Variants in KPNA1 observed in about 807,000 individuals in gnomAD.
The protein encoded by KPNA1 is karyopherin subunit alpha 1.
In KPNA1, 10 loss-of-function variants were observed where a neutral mutation model predicts 70.5. That is an observed-to-expected ratio of 0.14 (90% CI 0.09 to 0.24). The LOEUF (loss-of-function observed/expected upper bound fraction) is 0.24. KPNA1 is among the 10% of genes least tolerant of loss of function. The pLI, the probability that KPNA1 is intolerant of heterozygous loss-of-function variation, is 1.00. For missense variants in KPNA1, 397 were observed against 637.9 expected, an observed-to-expected ratio of 0.62 and a Z score of 4.07; for synonymous variants, 192 against 221.9, an observed-to-expected ratio of 0.87 and a Z score of 1.20.
intron 1 of KPNA1, among the ~76,000 whole-genome samples, chr3:122,499,772 A>G (rs556149634): frequency 2.6e-5 from 4 of 152,154 alleles, no homozygotes; most frequent in African/African-American, 9.6e-5. Flanking sequence ...GAAAAAAAAA[A>G]AAAAAGAGAC....
At chr3:122,431,735 A>G (rs2075911857) in intron 12 of KPNA1, among the ~76,000 whole-genome samples, 1 of 151,808 alleles carries the variant, frequency 6.6e-6, no homozygotes. Context: ...AGAGCAAAAT[A>G]CTCCTGAATA....
chr3:122,430,681 ACCCG>A (rs2075892159), intron 12 of KPNA1, among the ~76,000 whole-genome samples: 1 of 152,184 alleles, frequency 6.6e-6, no homozygotes. Flanking sequence ...CCAGAAACAC[ACCCG>A]CACAAAAACA....
chr3:122,425,822 G>T lies in KPNA1; in HGVS notation c.*1163C>A, dbSNP rs1241618243. ...TTCTTATTTGGGTTAAGCAGGTCATGTTGAGAAGATGGTTATTTCTTTCAG... is the reference window on the plus strand; with the variant it reads ...TTCTTATTTGGGTTAAGCAGGTCATTTTGAGAAGATGGTTATTTCTTTCAG... On this transcript the variant is annotated 3_prime_UTR_variant, in exon 14 of 14. Coordinates refer to ENST00000344337, the MANE Select transcript of KPNA1 (RefSeq NM_002264.4). 2 of 152,628 alleles carry T rather than the reference G, an allele frequency of 1.3e-5. No individual in the cohort carries two copies. Among genetic ancestry groups the T allele is most frequent in the Admixed American group, 6.5e-5 (1 of 15,276 alleles). 9.5% of individuals were successfully genotyped at this position (152,628 alleles called of 1,614,324 possible).
chr3:122,490,723 A>T (rs957461607), intron 2 of KPNA1, among the ~76,000 whole-genome samples: 4 of 152,220 alleles, frequency 2.6e-5, no homozygotes, highest in African/African-American at 9.6e-5. Context: ...TGCTCACTGC[A>T]AAAAGGTAAT....
chr3:122,505,422 GGAAA>G (rs1257523351), intron 1 of KPNA1, among the ~76,000 whole-genome samples: 2 of 152,042 alleles, frequency 1.3e-5, no homozygotes, highest in African/African-American at 4.8e-5. Flanking sequence ...AGCTTTGATA[GGAAA>G]GAAAGGAAAT....
At chr3:122,450,537 G>A (rs112768052) in intron 8 of KPNA1, among the ~76,000 whole-genome samples, 18,120 of 152,164 alleles carry the variant, frequency 0.12, 1,297 homozygotes, top group East Asian at 0.32. Context: ...TGCCGAGACC[G>A]CGCCACTGCA....
chr3:122,445,163 G>A (rs1351798803), intron 9 of KPNA1, among the ~76,000 whole-genome samples: 1 of 152,150 alleles, frequency 6.6e-6, no homozygotes, highest in Non-Finnish European at 1.5e-5. Flanking sequence ...TTGAACAAAG[G>A]TTAGACCAAC....
At chr3:122,448,397 G>A (rs1011933818) in intron 9 of KPNA1, among the ~76,000 whole-genome samples, 4 of 152,174 alleles carry the variant, frequency 2.6e-5, no homozygotes, top group African/African-American at 4.8e-5. Context: ...TATACACCAC[G>A]GAATACTATG....
At chr3:122,478,888 T>A (rs2076536940) in intron 2 of KPNA1, among the ~76,000 whole-genome samples, 1 of 57,422 alleles carries the variant, frequency 1.7e-5, no homozygotes, top group South Asian at 6.8e-4. Context: ...GAGCAAAACC[T>A]CGTCTCAAAA....
intron 2 of KPNA1, among the ~76,000 whole-genome samples, chr3:122,491,798 C>CG: frequency 1.0e-5 from 1 of 98,670 alleles, no homozygotes; most frequent in Non-Finnish European, 2.3e-5. Context: ...ATCATTTAAT[C>CG]GTTAGTTATA....
intron 2 of KPNA1, among the ~76,000 whole-genome samples, chr3:122,474,673 G>A (rs2076478118): frequency 6.6e-6 from 1 of 152,138 alleles, no homozygotes; most frequent in African/African-American, 2.4e-5. Flanking sequence ...ATATGAACAT[G>A]TAGGATTTAC....
chr3:122,512,022 A>G (rs7638174), intron 1 of KPNA1, among the ~76,000 whole-genome samples: 34,032 of 152,118 alleles, frequency 0.22, 4,230 homozygotes, highest in Non-Finnish European at 0.27. Context: ...TGAGAGCAAC[A>G]GAGAATAAAG....
intron 2 of KPNA1, among the ~76,000 whole-genome samples, chr3:122,467,837 T>C (rs977199203): frequency 6.6e-6 from 1 of 152,148 alleles, no homozygotes; most frequent in Non-Finnish European, 1.5e-5. Flanking sequence ...AATACTTCCC[T>C]CCTAATCTCC....
intron 11 of KPNA1, 37 bp downstream of exon 11, chr3:122,437,133 A>G: frequency 1.3e-6 from 2 of 1,589,268 alleles, no homozygotes; most frequent in South Asian, 2.3e-5. Flanking sequence ...CTTTTCAATA[A>G]AAATACTGAA....
intron 1 of KPNA1, among the ~76,000 whole-genome samples, chr3:122,510,334 G>A (rs2076941510): frequency 6.6e-6 from 1 of 152,166 alleles, no homozygotes; most frequent in Non-Finnish European, 1.5e-5. Flanking sequence ...GAAAAGAGAA[G>A]TCCCTGGATA....
chr3:122,457,672 C>A, intron 5 of KPNA1: 1 of 1,248,546 alleles, frequency 8.0e-7, no homozygotes, highest in South Asian at 1.4e-5. Context: ...TACCTTCTGG[C>A]GCTCAGTTCC....
At chr3:122,469,060 T>C (rs1271744905) in intron 2 of KPNA1, among the ~76,000 whole-genome samples, 4 of 152,078 alleles carry the variant, frequency 2.6e-5, no homozygotes, top group Non-Finnish European at 5.9e-5. Context: ...TCCCCCAAAT[T>C]AGTATCAGAC....
chr3:122,441,532 C>T (rs778350099), intron 10 of KPNA1, among the ~76,000 whole-genome samples: 6 of 151,996 alleles, frequency 3.9e-5, no homozygotes, highest in Non-Finnish European at 8.8e-5. Context: ...CATAGGACAA[C>T]CCCAAACTAC....
chr3:122,502,923 C>T (rs991560670), intron 1 of KPNA1, among the ~76,000 whole-genome samples: 2 of 151,974 alleles, frequency 1.3e-5, no homozygotes, highest in Non-Finnish European at 2.9e-5. Flanking sequence ...TGTAGCGACC[C>T]TGTCTCCACA....
Sources: allele counts gnomAD v4.1 joint callset (sites outside exome capture counted in the v4.1 genomes callset), GRCh38; gene constraint gnomAD v4.1.1; transcripts MANE v1.5; gene names NCBI Gene and HGNC (gene_info 2026-07-23, HGNC 2026-07-21).